Variants in NPAS3 observed in about 807,000 individuals in gnomAD.
NPAS3 encodes the protein neuronal PAS domain protein 3, also known as neuronal PAS domain-containing protein 3.
In NPAS3, 14 loss-of-function variants were observed where a neutral mutation model predicts 73.1. That is an observed-to-expected ratio of 0.19 (90% confidence interval 0.13 to 0.30). The LOEUF (loss-of-function observed/expected upper bound fraction) is 0.30. Ranked by LOEUF, NPAS3 falls within the 10% of genes least tolerant of loss-of-function variation. The probability of loss-of-function intolerance (pLI) is 1.00; values close to 1 mark genes in which losing one functional copy is unlikely to be tolerated. For missense variants in NPAS3, 1,096 were observed against 1,250.0 expected, an observed-to-expected ratio of 0.88 and a Z score of 1.86; for synonymous variants, 620 against 541.5, an observed-to-expected ratio of 1.14 and a Z score of -2.01.
Position 33,493,350 on chromosome 14 carries a change from T to C in NPAS3, c.469-66771T>C, listed in dbSNP as rs183254250. On this transcript the variant is annotated intron_variant, in intron 4 of 11. Transcript: ENST00000356141. ...TTTTTTTTTTTTTTCACACTCCTAA[T>C]TTATACTCTTGCCAGAGGGAAGAAA... Among the ~76,000 whole-genome samples the C allele has an allele frequency of 3.9e-3, 593 of 151,846 alleles. 3 individuals are homozygous for C. Among genetic ancestry groups the C allele is most frequent in the Middle Eastern group, 0.014 (4 of 294 alleles).
rs759007518 is a variant in NPAS3 at position 33,797,443 on chromosome 14, C to T, written c.1302-14C>T. ...TGGGTGTCTGCACTCCTGACCAGTG[C>T]CTCCCTTCCACAGCAATCCTGAGTA... On this transcript the variant is annotated splice_polypyrimidine_tract_variant and intron_variant, in intron 10 of 11. Transcript: ENST00000356141. The T allele has an allele frequency of 2.5e-6, 4 of 1,613,690 alleles. No individual in the cohort carries two copies. Among genetic ancestry groups the T allele is most frequent in the Non-Finnish European group, 3.4e-6 (4 of 1,179,820 alleles).
chr14:33,371,542 TG>T (rs1461288112), intron 4 of NPAS3, among the ~76,000 whole-genome samples: 1 of 152,202 alleles, frequency 6.6e-6, no homozygotes, highest in Non-Finnish European at 1.5e-5. Context: ...ATGTCTGTGC[TG>T]AGAAAGGATT....
At chr14:33,108,195 A>ATTTTTTTTTTTTTTTTTTTTTTTGTT (rs11373741) in intron 2 of NPAS3, among the ~76,000 whole-genome samples, 1 of 140,414 alleles carries the variant, frequency 7.1e-6, no homozygotes, top group Non-Finnish European at 1.5e-5. Flanking sequence ...TATTGTTCTG[A>ATTTTTTTTTTTTTTTTTTTTTTTGTT]TTTTTTTTTT....
At chr14:32,959,469 A>T (rs1375663956) in intron 1 of NPAS3, among the ~76,000 whole-genome samples, 1 of 152,256 alleles carries the variant, frequency 6.6e-6, no homozygotes, top group Admixed American at 6.5e-5. Context: ...AAATAAGCTA[A>T]GCCTTCAGAA....
intron 1 of NPAS3, among the ~76,000 whole-genome samples, chr14:32,957,557 A>G (rs1450472530): frequency 6.6e-6 from 1 of 151,814 alleles, no homozygotes; most frequent in Non-Finnish European, 1.5e-5. Context: ...TATTTTTAGT[A>G]TAGACGGGGT....
intron 4 of NPAS3, among the ~76,000 whole-genome samples, chr14:33,472,541 A>G (rs1459743001): frequency 7.0e-6 from 1 of 143,478 alleles, no homozygotes; most frequent in African/African-American, 3.0e-5. Flanking sequence ...ACTGTTGAGA[A>G]TAGGCTGGAA....
At chr14:33,153,162 T>C (rs1477506048) in intron 2 of NPAS3, among the ~76,000 whole-genome samples, 2 of 152,144 alleles carry the variant, frequency 1.3e-5, no homozygotes, top group East Asian at 3.9e-4. Context: ...AACATGCTTG[T>C]TTTTTACTTT....
chr14:33,652,687 A>G (rs1008079735), intron 5 of NPAS3, among the ~76,000 whole-genome samples: 1 of 152,190 alleles, frequency 6.6e-6, no homozygotes, highest in African/African-American at 2.4e-5. Flanking sequence ...TCTGTAACAT[A>G]TGCTGAGTTG....
chr14:33,162,687 C>T (rs59849862), intron 2 of NPAS3, among the ~76,000 whole-genome samples: 14,243 of 151,830 alleles, frequency 0.094, 743 homozygotes, highest in African/African-American at 0.14. Context: ...AAAAAAGTGG[C>T]CCAAGAGGAG....
chr14:33,490,112 G>C (rs558942184), intron 4 of NPAS3, among the ~76,000 whole-genome samples: 1 of 152,228 alleles, frequency 6.6e-6, no homozygotes. Flanking sequence ...CAAAGTTAGA[G>C]TACTAAGAGG....
intron 5 of NPAS3, among the ~76,000 whole-genome samples, chr14:33,572,649 A>G (rs2056262930): frequency 2.0e-5 from 3 of 152,212 alleles, no homozygotes; most frequent in African/African-American, 7.2e-5. Context: ...GGTTTACGTA[A>G]CTGGCATGTC....
chr14:33,785,158 G>A (rs551326673), intron 9 of NPAS3, among the ~76,000 whole-genome samples: 15 of 151,830 alleles, frequency 9.9e-5, no homozygotes, highest in South Asian at 6.3e-4. Context: ...ACTTCTGGCC[G>A]GGCATGGTGG....
intron 6 of NPAS3, among the ~76,000 whole-genome samples, chr14:33,697,620 A>T (rs1446378471): frequency 6.6e-6 from 1 of 152,220 alleles, no homozygotes; most frequent in Non-Finnish European, 1.5e-5. Flanking sequence ...CAATCTTCTT[A>T]AATGGTGATG....
At chr14:33,705,348 A>G (rs2060628000) in intron 6 of NPAS3, among the ~76,000 whole-genome samples, 1 of 152,210 alleles carries the variant, frequency 6.6e-6, no homozygotes, top group Non-Finnish European at 1.5e-5. Context: ...CCCTAGAAGC[A>G]TGCACAATAA....
At chr14:33,789,813 TCTC>T (rs2063302557) in intron 9 of NPAS3, among the ~76,000 whole-genome samples, 1 of 151,670 alleles carries the variant, frequency 6.6e-6, no homozygotes, top group African/African-American at 2.4e-5. Context: ...ATGGTCTCGA[TCTC>T]CTGACCTCGT....
At chr14:33,673,327 G>A (rs1442723733) in intron 5 of NPAS3, among the ~76,000 whole-genome samples, 1 of 152,152 alleles carries the variant, frequency 6.6e-6, no homozygotes. Flanking sequence ...TTTGTAAACT[G>A]GACATGATCA....
intron 5 of NPAS3, chr14:33,612,387 C>G: frequency 4.4e-6 from 2 of 455,934 alleles, no homozygotes; most frequent in Non-Finnish European, 8.8e-6. Context: ...AACCTGTTGT[C>G]TTTTCTACCC....
intron 5 of NPAS3, among the ~76,000 whole-genome samples, chr14:33,577,139 C>G (rs2056467397): frequency 6.6e-6 from 1 of 152,126 alleles, no homozygotes; most frequent in Non-Finnish European, 1.5e-5. Context: ...CACCAAAGGA[C>G]CATGGCAGAA....
intron 3 of NPAS3, among the ~76,000 whole-genome samples, chr14:33,350,532 C>T (rs1051617463): frequency 2.6e-5 from 4 of 152,212 alleles, no homozygotes; most frequent in Admixed American, 2.0e-4. Context: ...GGACCCCCCT[C>T]TGGGTGTATG....
Sources: allele counts gnomAD v4.1 joint callset (sites outside exome capture counted in the v4.1 genomes callset), GRCh38; gene constraint gnomAD v4.1.1; transcripts MANE v1.5; gene names NCBI Gene and HGNC (gene_info 2026-07-23, HGNC 2026-07-21).